The following SRD5A2 variants were observed in gnomAD, a reference collection of about 807,000 sequenced individuals.
The protein encoded by SRD5A2 is 3-oxo-5-alpha-steroid 4-dehydrogenase 2.
Under a neutral mutation model 27.4 loss-of-function variants are expected in SRD5A2, and 30 were observed. The observed-to-expected ratio is 1.10, with a 90% CI of 0.82 to 1.49. SRD5A2 has a LOEUF of 1.49. Among genes scored for constraint, SRD5A2 ranks in the 40% most tolerant of loss-of-function variants. The probability of loss-of-function intolerance (pLI) is 0.00; values close to 1 mark genes in which losing one functional copy is unlikely to be tolerated. For missense variants in SRD5A2, 348 were observed against 323.4 expected (o/e 1.08, Z -0.58); for synonymous variants, 141 against 133.6 (o/e 1.06, Z -0.38).
the SRD5A2 span, among the ~76,000 whole-genome samples, chr2:31,639,180 A>C: frequency 6.6e-6 from 1 of 152,084 alleles, no homozygotes; most frequent in African/African-American, 2.4e-5. Flanking sequence ...AAAGAATAGA[A>C]ACACAGGCAA....
chr2:31,619,199 C>T, the SRD5A2 span, among the ~76,000 whole-genome samples: 3 of 152,106 alleles, frequency 2.0e-5, no homozygotes, highest in Non-Finnish European at 4.4e-5. Context: ...TTAGAACTCT[C>T]ATACACTGTT....
chr2:31,538,309 C>G (rs1283642237), intron 1 of SRD5A2, among the ~76,000 whole-genome samples: 3 of 151,196 alleles, frequency 2.0e-5, no homozygotes, highest in Non-Finnish European at 4.4e-5. Context: ...CATCTTTGAT[C>G]TCTCTCTCTC....
rs1666314032 is a variant in SRD5A2 at position 31,548,691 on chromosome 2, T to C, written c.282-14925A>G. Among the ~76,000 whole-genome samples the C allele has an allele frequency of 2.6e-5, 4 of 152,086 alleles. No individual in the cohort carries two copies. In the South Asian group the frequency reaches 6.2e-4, roughly 24 times the overall value. ...AAACAATATGGTGGTTACTCAAAAATTAAAAATAGAATTACTACATGACAT... is the reference window on the plus strand; with the variant it reads ...AAACAATATGGTGGTTACTCAAAAACTAAAAATAGAATTACTACATGACAT... On this transcript the variant is annotated intron_variant, in intron 1 of 4. Coordinates refer to ENST00000622030, the MANE Select transcript of SRD5A2 (RefSeq NM_000348.4).
At chr2:31,551,571 T>C (rs1277975570) in intron 1 of SRD5A2, among the ~76,000 whole-genome samples, 1 of 152,198 alleles carries the variant, frequency 6.6e-6, no homozygotes, top group Non-Finnish European at 1.5e-5. Flanking sequence ...TGTCATGCAA[T>C]TTATTTAATA....
intron 1 of SRD5A2, among the ~76,000 whole-genome samples, chr2:31,549,796 C>A (rs1666347642): frequency 6.6e-6 from 1 of 152,104 alleles, no homozygotes; most frequent in Non-Finnish European, 1.5e-5. Flanking sequence ...GGCTTCAACA[C>A]CCATTTCTAA....
chr2:31,619,533 CTG>C, the SRD5A2 span, among the ~76,000 whole-genome samples: 3 of 152,016 alleles, frequency 2.0e-5, no homozygotes, highest in African/African-American at 7.2e-5. Flanking sequence ...TCAACAATGA[CTG>C]AACTAATTTA....
intron 1 of SRD5A2, among the ~76,000 whole-genome samples, chr2:31,537,567 C>A (rs1666051608): frequency 2.0e-5 from 3 of 152,206 alleles, no homozygotes; most frequent in Admixed American, 2.0e-4. Context: ...GATCTGTTCT[C>A]ATTTTCCTTT....
At chr2:31,556,194 A>T (rs1269173208) in intron 1 of SRD5A2, among the ~76,000 whole-genome samples, 1 of 152,144 alleles carries the variant, frequency 6.6e-6, no homozygotes, top group Non-Finnish European at 1.5e-5. Context: ...GTATATTTGG[A>T]TGGTACCTGT....
chr2:31,616,246 T>C, the SRD5A2 span, among the ~76,000 whole-genome samples: 1 of 152,084 alleles, frequency 6.6e-6, no homozygotes, highest in Admixed American at 6.5e-5. Flanking sequence ...GGAAAGGGAA[T>C]GTAGGGTTGA....
At chr2:31,560,693 T>G (rs573989271) in intron 1 of SRD5A2, among the ~76,000 whole-genome samples, 20 of 152,340 alleles carry the variant, frequency 1.3e-4, no homozygotes, top group African/African-American at 4.1e-4. Context: ...CCATTTCCTT[T>G]TACTCCCCTT....
chr2:31,544,721 CAAG>C (rs1380607235), intron 1 of SRD5A2, among the ~76,000 whole-genome samples: 2 of 151,604 alleles, frequency 1.3e-5, no homozygotes, highest in African/African-American at 4.8e-5. Flanking sequence ...TCAAAGAAAT[CAAG>C]AATAGAAAAA....
chr2:31,579,134 C>T (rs1433409737), intron 1 of SRD5A2, among the ~76,000 whole-genome samples: 1 of 152,162 alleles, frequency 6.6e-6, no homozygotes, highest in Non-Finnish European at 1.5e-5. Flanking sequence ...TCACAGCAGG[C>T]TTTTAGTAAA....
intron 1 of SRD5A2, among the ~76,000 whole-genome samples, chr2:31,542,781 A>T (rs1177460711): frequency 3.3e-5 from 5 of 152,284 alleles, no homozygotes; most frequent in Admixed American, 2.6e-4. Context: ...AAAAGTGAGC[A>T]GAGCCCAAGA....
intron 1 of SRD5A2, among the ~76,000 whole-genome samples, chr2:31,562,794 C>A (rs1239031876): frequency 1.3e-5 from 2 of 152,082 alleles, no homozygotes; most frequent in South Asian, 4.1e-4. Flanking sequence ...ACCCATGTAA[C>A]AAACCTGCAC....
the SRD5A2 span, among the ~76,000 whole-genome samples, chr2:31,647,942 C>A: frequency 1.3e-5 from 2 of 152,078 alleles, no homozygotes; most frequent in African/African-American, 4.8e-5. Context: ...GCTAAATAAC[C>A]TTGCATGTGT....
chr2:31,578,603 A>G (rs1667007704), intron 1 of SRD5A2, among the ~76,000 whole-genome samples: 1 of 152,226 alleles, frequency 6.6e-6, no homozygotes, highest in Non-Finnish European at 1.5e-5. Flanking sequence ...AAGAATTCAA[A>G]AAAGAGGAAA....
In SRD5A2 at chr2:31,531,454, AAAAT is replaced by A; in HGVS notation, c.460_463del (p.Ile154TrpfsTer5). The A allele has an allele frequency of 6.3e-7, 1 of 1,597,346 alleles. No homozygotes were observed. Among genetic ancestry groups the A allele is most frequent in the Non-Finnish European group, 8.5e-7 (1 of 1,171,182 alleles). On this transcript the variant is annotated frameshift_variant, in exon 3 of 5. Transcript: ENST00000622030. LOFTEE classifies it high-confidence loss of function. ...ACTATGAATGTTTATTCCCATTCCC[AAAAT>A]AAATAAGAAGACACCTTGACAAAGA...
At chr2:31,594,742 A>G in the SRD5A2 span, among the ~76,000 whole-genome samples, 1 of 152,118 alleles carries the variant, frequency 6.6e-6, no homozygotes, top group Admixed American at 6.5e-5. Context: ...TACCCAACCA[A>G]TGCAGAATAT....
chr2:31,589,216 C>A, the SRD5A2 span, among the ~76,000 whole-genome samples: 4 of 152,176 alleles, frequency 2.6e-5, no homozygotes, highest in African/African-American at 7.2e-5. Flanking sequence ...GCCCTGTAGA[C>A]ACTTCCACTG....
Sources: allele counts gnomAD v4.1 joint callset (sites outside exome capture counted in the v4.1 genomes callset), GRCh38; gene constraint gnomAD v4.1.1; transcripts MANE v1.5; gene names NCBI Gene and HGNC (gene_info 2026-07-23, HGNC 2026-07-21).